Variants in CYBB observed in about 807,000 individuals in gnomAD.
CYBB encodes the protein cytochrome b-245 beta chain.
CYBB carries 5 observed loss-of-function variants against 46.5 expected under a neutral mutation model. That is an observed-to-expected ratio of 0.11 (90% confidence interval 0.06 to 0.23). The LOEUF is 0.23. CYBB is among the 10% of genes least tolerant of loss of function. The pLI is 1.00. For missense variants in CYBB, 307 were observed against 428.3 expected, an observed-to-expected ratio of 0.72 and a Z score of 2.50; for synonymous variants, 183 against 156.7, an observed-to-expected ratio of 1.17 and a Z score of -1.26.
Position 37,787,272 on chromosome X carries a change from T to G in CYBB, c.252+3672T>G, listed in dbSNP as rs1384477463. ...TGCCTGAGTTCTGTAGATTCAAAGT[T>G]GGATTTTGTAATTTCTCCCAGTTGC... is the stretch of plus-strand genomic sequence containing the variant. On this transcript the variant is annotated intron_variant, in intron 3 of 12. Transcript: ENST00000378588. Among the ~76,000 whole-genome samples, 3 of 112,356 alleles carry G rather than the reference T, an allele frequency of 2.7e-5. No homozygotes were observed. The Admixed American group carries it at 2.8e-4, about 11-fold the overall frequency.
chrX:37,796,259 A>C lies in CYBB; in HGVS notation c.674+118A>C, dbSNP rs942774280. ...TGTGGTTAGCCTGTCTGCTAAGGGA[A>C]TGTGAGAGGATAGCAGAGGTCAGTT... On this transcript the variant is annotated intron_variant, in intron 6 of 12. Transcript: ENST00000378588. 11 of 635,669 alleles carry C rather than the reference A, an allele frequency of 1.7e-5. No individual in the cohort carries two copies. The South Asian group carries it at 2.3e-4, about 13-fold the overall frequency. The allele number at this position is 635,669 out of a possible 1,213,427, so 52.4% of individuals were successfully genotyped here.
At chrX:37,799,214 T>C in intron 7 of CYBB, 130 bp downstream of exon 7, 5 of 635,264 alleles carry the variant, frequency 7.9e-6, no homozygotes, top group South Asian at 2.4e-5. Context: ...AGCTAAAACA[T>C]GTGTCTACTT....
chrX:37,792,321 T>A (rs1215208199), intron 4 of CYBB, among the ~76,000 whole-genome samples: 2 of 111,320 alleles, frequency 1.8e-5, no homozygotes, highest in Non-Finnish European at 3.8e-5. Context: ...TCAATCCTAG[T>A]GTCCTCACCC....
At chrX:37,804,708 G>A in intron 9 of CYBB, among the ~76,000 whole-genome samples, 1 of 109,403 alleles carries the variant, frequency 9.1e-6, no homozygotes, top group East Asian at 2.9e-4. Context: ...AAGACATAGG[G>A]TGTGTGTGGA....
At chrX:37,807,908 C>T (rs1929595926) in intron 11 of CYBB, among the ~76,000 whole-genome samples, 1 of 111,585 alleles carries the variant, frequency 9.0e-6, no homozygotes, top group Non-Finnish European at 1.9e-5. Context: ...CCCCCCACAA[C>T]AAAGAATTAT....
intron 3 of CYBB, among the ~76,000 whole-genome samples, chrX:37,789,386 G>A (rs1437394684): frequency 1.8e-5 from 2 of 109,601 alleles, no homozygotes; most frequent in Admixed American, 2.0e-4. Context: ...GTCATTGGGG[G>A]TCATTCTAGA....
At chrX:37,792,910 T>G (rs1929227577) in intron 4 of CYBB, among the ~76,000 whole-genome samples, 1 of 109,935 alleles carries the variant, frequency 9.1e-6, no homozygotes, top group African/African-American at 3.3e-5. Flanking sequence ...AGAGCACATA[T>G]TTGCGTGCCA....
intron 7 of CYBB, among the ~76,000 whole-genome samples, chrX:37,799,598 G>A (rs1316592015): frequency 2.7e-5 from 3 of 111,954 alleles, no homozygotes; most frequent in African/African-American, 3.2e-5. Context: ...GAGGCTGGAC[G>A]GCGAGGTTCA....
At position 37,811,266 on chromosome X, in the gene CYBB, C is replaced by CT; in HGVS notation, c.*349_*350insT. On this transcript the variant is annotated 3_prime_UTR_variant, in exon 13 of 13. Transcript: ENST00000378588. Reference sequence around the variant, plus strand: ...TATGAAACTGTGACCAGATCTAGCCCATCTTACTCCAGGTTTGATACTCTT... The same window carrying CT: ...TATGAAACTGTGACCAGATCTAGCCCTATCTTACTCCAGGTTTGATACTCTT... 4.7e-6 allele frequency: 1 copy of CT among 211,618 alleles called. No homozygotes were observed. The highest frequency in any genetic ancestry group is 8.7e-6 in the Non-Finnish European group (1 of 115,099). The allele number at this position is 211,618 out of a possible 1,213,427, so 17.4% of individuals were successfully genotyped here.
rs17146228 is a variant in CYBB, at chrX:37,790,682, G to T, written c.253-1293G>T. On this transcript the variant is annotated intron_variant, in intron 3 of 12. Coordinates refer to ENST00000378588, the MANE Select transcript of CYBB (RefSeq NM_000397.4). ...ATGGCTAACTGAGAGATAGATGGTG[G>T]AGTAAGCACAATTTTCTGTGCAATT... Among the ~76,000 whole-genome samples, 360 of 111,508 alleles carry T rather than the reference G, an allele frequency of 3.2e-3. 1 individual carries two copies. The highest frequency in any genetic ancestry group is 0.011 in the African/African-American group (348 of 30,691).
At chrX:37,783,672 A>T in intron 3 of CYBB, 72 bp downstream of exon 3, 1 of 646,323 alleles carries the variant, frequency 1.5e-6, no homozygotes, top group Non-Finnish European at 2.6e-6. Context: ...TTTTTAGGTA[A>T]AAACAAATGA....
rs376727878 is a variant in CYBB at position 37,783,446 on chromosome X, T to G, written c.142-44T>G. 35 of 888,013 alleles carry G rather than the reference T, an allele frequency of 3.9e-5. No homozygotes were observed. In the African/African-American group the frequency reaches 6.1e-4, roughly 16 times the overall value. 73.2% of individuals were successfully genotyped at this position (888,013 alleles called of 1,213,427 possible). On this transcript the variant is annotated intron_variant, in intron 2 of 12. Coordinates refer to ENST00000378588, the MANE Select transcript of CYBB (RefSeq NM_000397.4). ...GGGGAAGTGGGGACAGGGCATATTCTGTGCTCAAAAAAGTCACTCTGCTCC... is the reference window on the plus strand; with the variant it reads ...GGGGAAGTGGGGACAGGGCATATTCGGTGCTCAAAAAAGTCACTCTGCTCC...
rs782727740 is a variant in CYBB, at chrX:37,796,130, C to G, written c.663C>G (p.Ile221Met). The G allele has an allele frequency of 8.3e-7, 1 of 1,206,069 alleles. No homozygotes were observed. The highest frequency in any genetic ancestry group is 1.8e-5 in the South Asian group (1 of 56,868). Residue 221 changes from isoleucine (I) to methionine (M), a missense_variant, in exon 6 of 13, where the codon ATC (isoleucine) becomes ATG (methionine). This residue lies in a region of CYBB where 82 missense variants were observed against 69.9 expected (regional missense o/e 1.17). Transcript: ENST00000378588. ...TGATCTTCTTCATTGGCCTTGCCAT[C>G]CATGGAGCTGAGTGAGTGTTTAAAT... ...LFVIFFIGLA[I>M]HGAERIVRGQ...
chrX:37,793,896 C>CAAAA, intron 5 of CYBB, 86 bp downstream of exon 5: 1 of 910,174 alleles, frequency 1.1e-6, no homozygotes, highest in Admixed American at 2.7e-5. Context: ...CTCTCCTTTG[C>CAAAA]CAAAAAAAAA....
intron 3 of CYBB, among the ~76,000 whole-genome samples, chrX:37,784,816 C>A (rs936978316): frequency 9.0e-6 from 1 of 111,691 alleles, no homozygotes; most frequent in Non-Finnish European, 1.9e-5. Flanking sequence ...TTGTACAGGG[C>A]AGATGCCTGA....
intron 3 of CYBB, among the ~76,000 whole-genome samples, 194 bp downstream of exon 3, chrX:37,783,794 A>G (rs1929004193): frequency 9.0e-6 from 1 of 110,599 alleles, no homozygotes; most frequent in African/African-American, 3.3e-5. Flanking sequence ...TTTGGAAAAC[A>G]AATTTTGAAA....
chrX:37,805,151 A>G lies in CYBB; in HGVS notation c.1297A>G (p.Asn433Asp). 6 of 1,211,229 alleles carry G rather than the reference A, an allele frequency of 5.0e-6. No homozygotes were observed. The highest frequency in any genetic ancestry group is 5.6e-6 in the Non-Finnish European group (5 of 895,126). The change falls in exon 10 of 13, where the codon AAT becomes GAT. Residue 433 changes from asparagine to aspartate, a missense_variant. Coordinates refer to ENST00000378588, the MANE Select transcript of CYBB (RefSeq NM_000397.4). ...GTACAAATATTGCAATAACGCCACCAATCTGAAGCTCAAAAAGGTAAGTCC... is the reference window on the plus strand; with the variant it reads ...GTACAAATATTGCAATAACGCCACCGATCTGAAGCTCAAAAAGGTAAGTCC... Reference protein sequence around the residue: ...VWYKYCNNATNLKLKKIYFYW... With the variant: ...VWYKYCNNATDLKLKKIYFYW...
chrX:37,788,213 A>G (rs782493499), intron 3 of CYBB, among the ~76,000 whole-genome samples: 7 of 111,858 alleles, frequency 6.3e-5, no homozygotes, highest in Non-Finnish European at 1.1e-4. Context: ...GACTATGAAG[A>G]CAGTGTATGT....
intron 11 of CYBB, among the ~76,000 whole-genome samples, chrX:37,806,762 T>C (rs1929569653): frequency 9.0e-6 from 1 of 111,287 alleles, no homozygotes; most frequent in Non-Finnish European, 1.9e-5. Context: ...ACTTTGACAT[T>C]ATTAGAGCAA....
Sources: gnomAD v4.1 joint callset for allele counts (sites outside exome capture counted in the v4.1 genomes callset) on GRCh38, gnomAD v4.1.1 for gene constraint, gnomAD v4.1.1 regional missense constraint, MANE v1.5 for transcripts, NCBI Gene and HGNC (gene_info 2026-07-23, HGNC 2026-07-21) for gene names.